The following CDH3 variants were observed in gnomAD, a reference collection of about 807,000 sequenced individuals.
CDH3 encodes the protein cadherin-3.
Under a neutral mutation model 82.0 loss-of-function variants are expected in CDH3, and 54 were observed. The observed-to-expected ratio is 0.66, with a 90% CI of 0.53 to 0.83. The LOEUF (loss-of-function observed/expected upper bound fraction) is 0.83. Ranked by LOEUF, CDH3 falls within the 40% of genes least tolerant of loss-of-function variation. CDH3 has a pLI of 0.00. For missense variants in CDH3, 1,054 were observed against 1,084.6 expected (o/e 0.97, Z 0.40); for synonymous variants, 446 against 437.9 (o/e 1.02, Z -0.23).
downstream of CDH3, among the ~76,000 whole-genome samples, chr16:68,704,820 C>G (rs1419822794): frequency 1.3e-5 from 2 of 152,192 alleles, no homozygotes; most frequent in Admixed American, 1.3e-4. Flanking sequence ...TTTGGAAGGC[C>G]AAGGTGGGAA....
At chr16:68,709,501 C>T (rs1353307732) in intron 1 of CDH3, among the ~76,000 whole-genome samples, 2 of 152,164 alleles carry the variant, frequency 1.3e-5, no homozygotes, top group African/African-American at 4.8e-5. Flanking sequence ...CTCCGTCACC[C>T]AGGCTGGAGT....
At chr16:68,721,213 C>G (rs561273826) in intron 1 of CDH3, among the ~76,000 whole-genome samples, 42 of 145,998 alleles carry the variant, frequency 2.9e-4, no homozygotes, top group African/African-American at 7.3e-4. Context: ...GGACCTTACC[C>G]TTTATGCAGT....
At position 68,646,844 on chromosome 16, in the gene CDH3, C is replaced by T. The variant is rs889527079; in HGVS notation, c.160+1094C>T. Reference sequence around the variant, plus strand: ...CCTAGCATTCTTCTAAAGTCTCCATCAACTTATCCCTCACCCCAGGCACAA... The same window carrying T: ...CCTAGCATTCTTCTAAAGTCTCCATTAACTTATCCCTCACCCCAGGCACAA... On this transcript the variant is annotated intron_variant, in intron 2 of 15. Coordinates refer to ENST00000264012, the MANE Select transcript of CDH3 (RefSeq NM_001793.6). Among the ~76,000 whole-genome samples, 6 of 152,258 alleles carry T rather than the reference C, an allele frequency of 3.9e-5. No individual in the cohort carries two copies. In the East Asian group the frequency reaches 5.8e-4, roughly 15 times the overall value.
chr16:68,679,048 C>CTGAA, intron 6 of CDH3, 142 bp downstream of exon 6: 1 of 832,084 alleles, frequency 1.2e-6, no homozygotes, highest in South Asian at 1.7e-5. Context: ...CCCTTCCATC[C>CTGAA]CAAGGTTCCT....
At chr16:68,695,136 C>A in intron 13 of CDH3, 119 bp from the exon 14 acceptor site, 1 of 1,049,610 alleles carries the variant, frequency 9.5e-7, no homozygotes, top group Non-Finnish European at 1.5e-6. Context: ...GCCATTGTAG[C>A]ATGTTAAGCT....
intron 1 of CDH3, among the ~76,000 whole-genome samples, chr16:68,705,652 C>A (rs570672042): frequency 2.0e-5 from 3 of 151,598 alleles, no homozygotes; most frequent in Non-Finnish European, 4.4e-5. Flanking sequence ...GAATTCCTGA[C>A]CTCAGGTGAT....
At chr16:68,714,028 G>C (rs774783236) in intron 1 of CDH3, among the ~76,000 whole-genome samples, 7 of 151,922 alleles carry the variant, frequency 4.6e-5, no homozygotes, top group Non-Finnish European at 8.8e-5. Context: ...CCGCCCCCTG[G>C]GTTCAAGCAA....
chr16:68,732,051 GT>G (rs71930035), downstream of CDH3, among the ~76,000 whole-genome samples: 108 of 143,770 alleles, frequency 7.5e-4, no homozygotes, highest in Middle Eastern at 3.6e-3. Context: ...AAATAAAACT[GT>G]TTTTTTTTTT....
At chr16:68,722,644 C>T (rs147998299) in intron 2 of CDH3, 5 of 152,266 alleles carry the variant, frequency 3.3e-5, no homozygotes, top group Middle Eastern at 3.4e-3. Flanking sequence ...TCCCAGTTTA[C>T]CTGGGATTTT....
rs1960173660 is a variant in CDH3, at chr16:68,649,335, A to T, written c.160+3585A>T. Among the ~76,000 whole-genome samples, 6 of 152,340 alleles carry T rather than the reference A, an allele frequency of 3.9e-5. No individual in the cohort carries two copies. The South Asian group carries it at 1.2e-3, about 32-fold the overall frequency. ...TGCATCTGACTGAGCACAAATTAACATCAAGATGGTTTTGTCTATTTCAGC... is the reference window on the plus strand; with the variant it reads ...TGCATCTGACTGAGCACAAATTAACTTCAAGATGGTTTTGTCTATTTCAGC... On this transcript the variant is annotated intron_variant, in intron 2 of 15. Coordinates refer to ENST00000264012, the MANE Select transcript of CDH3 (RefSeq NM_001793.6).
intron 2 of CDH3, chr16:68,651,064 T>C (rs1960228619): frequency 1.2e-5 from 5 of 434,262 alleles, no homozygotes; most frequent in Non-Finnish European, 2.1e-5. Flanking sequence ...AGGGGGATAT[T>C]CAGGGGCCTT....
intron 6 of CDH3, 109 bp downstream of exon 6, chr16:68,679,015 C>A: frequency 2.5e-6 from 3 of 1,191,068 alleles, no homozygotes; most frequent in South Asian, 2.7e-5. Flanking sequence ...TACTTGGGAT[C>A]TTCTTAAAAA....
In CDH3 at chr16:68,695,791, C is replaced by T. The variant is rs752462841; in HGVS notation, c.2148C>T (p.Thr716=). The change falls in exon 15 of 16, where the codon ACC becomes ACT. Residue 716 remains threonine (T), a synonymous_variant. Transcript: ENST00000264012. Reference sequence around the variant, plus strand: ...TTTCCCCACAGGACTATGACATCACCCAGCTCCACCGAGGTCTGGAGGCCA... The same window carrying T: ...TTTCCCCACAGGACTATGACATCACTCAGCTCCACCGAGGTCTGGAGGCCA... ...GGEEDQDYDI[T]QLHRGLEARP... is the part of the protein sequence containing the mutation. 2 of 1,614,112 alleles carry T rather than the reference C, an allele frequency of 1.2e-6. No homozygotes were observed. The highest frequency in any genetic ancestry group is 3.3e-5 in the Admixed American group (2 of 60,004).
chr16:68,710,530 T>C (rs1022782192), intron 1 of CDH3, among the ~76,000 whole-genome samples: 2 of 152,128 alleles, frequency 1.3e-5, no homozygotes, highest in South Asian at 4.1e-4. Flanking sequence ...CCACAGCACA[T>C]GATCCTCCCT....
Position 68,684,517 on chromosome 16 carries a change from C to A in CDH3, c.1183-66C>A, listed in dbSNP as rs1597811262. On this transcript the variant is annotated intron_variant, in intron 9 of 15. Transcript: ENST00000264012. ...TATTGGTGTTTTCCTTCTCACATCT[C>A]AACTGTCCTGCACAGGACCTCCTCT... The A allele has an allele frequency of 2.5e-6, 4 of 1,597,462 alleles. No individual in the cohort carries two copies. The East Asian group carries it at 8.9e-5, about 36-fold the overall frequency.
At chr16:68,673,897 G>A (rs1286294132) in intron 2 of CDH3, among the ~76,000 whole-genome samples, 1 of 152,008 alleles carries the variant, frequency 6.6e-6, no homozygotes, top group Non-Finnish European at 1.5e-5. Flanking sequence ...CTGGGCAAGA[G>A]AGTGAGACTC....
intron 15 of CDH3, 24 bp from the exon 16 acceptor site, chr16:68,698,163 CCTAA>C (rs1288524454): frequency 1.2e-6 from 2 of 1,612,290 alleles, no homozygotes; most frequent in South Asian, 1.1e-5. Flanking sequence ...ACCCGCCGCT[CCTAA>C]CTACCTGTTC....
chr16:68,687,618 C>T lies in CDH3; in HGVS notation c.1677C>T (p.Ser559=), dbSNP rs113689956. 51 of 1,614,166 alleles carry T rather than the reference C, an allele frequency of 3.2e-5. No homozygotes were observed. The highest frequency in any genetic ancestry group is 3.3e-4 in the Middle Eastern group (2 of 6,062). ...EPRQITICNQ[S]PVRQVLNITD... ...GTCAGATCACCATCTGCAACCAAAG[C>T]CCTGTGCGCCAGGTGCTGAACATCA... is the stretch of plus-strand genomic sequence containing the variant. The change falls in exon 12 of 16, where the codon AGC becomes AGT. Residue 559 remains serine (S), a synonymous_variant. Coordinates refer to ENST00000264012, the MANE Select transcript of CDH3 (RefSeq NM_001793.6).
chr16:68,727,686 A>G (rs2152111977), downstream of CDH3, among the ~76,000 whole-genome samples: 1 of 152,250 alleles, frequency 6.6e-6, no homozygotes, highest in South Asian at 2.1e-4. Flanking sequence ...AGGTGGGTAG[A>G]TCACCTGAGG....
Sources: gnomAD v4.1 joint callset for allele counts (sites outside exome capture counted in the v4.1 genomes callset) on GRCh38, gnomAD v4.1.1 for gene constraint, MANE v1.5 for transcripts, NCBI Gene and HGNC (gene_info 2026-07-23, HGNC 2026-07-21) for gene names.